SOBP: variants seen among roughly 807,000 people sequenced by gnomAD.
SOBP encodes the protein sine oculis binding protein homolog.
Under a neutral mutation model 53.6 loss-of-function variants are expected in SOBP, and 4 were observed. The observed-to-expected ratio is 0.07, with a 90% confidence interval of 0.04 to 0.17. The LOEUF is 0.17. SOBP is among the 10% of genes least tolerant of loss of function. SOBP has a pLI of 1.00. For missense variants in SOBP, 1,088 were observed against 1,204.7 expected (o/e 0.90, Z 1.43); for synonymous variants, 584 against 522.6 (o/e 1.12, Z -1.60).
intron 6 of SOBP, among the ~76,000 whole-genome samples, chr6:107,648,395 A>G (rs1771649359): frequency 7.0e-6 from 1 of 142,172 alleles, no homozygotes; most frequent in East Asian, 2.0e-4. Flanking sequence ...CCACTTTAAC[A>G]GGGACACAGT....
At chr6:107,638,195 T>TTTTA (rs138272779) in intron 6 of SOBP, among the ~76,000 whole-genome samples, 96,080 of 150,904 alleles carry the variant, frequency 0.64, 33,980 homozygotes, top group Non-Finnish European at 0.81. Context: ...TCCTGGTTTG[T>TTTTA]TTTATTTATT....
chr6:107,532,267 ACACAC>A (rs1783850735), intron 3 of SOBP, among the ~76,000 whole-genome samples: 4 of 148,636 alleles, frequency 2.7e-5, no homozygotes, highest in African/African-American at 7.6e-5. Flanking sequence ...ACACACACAC[ACACAC>A]CACACACACA....
chr6:107,518,014 G>A (rs1458023711), intron 3 of SOBP, among the ~76,000 whole-genome samples: 1 of 152,060 alleles, frequency 6.6e-6, no homozygotes, highest in Non-Finnish European at 1.5e-5. Flanking sequence ...CATATCCCAT[G>A]AATTTATACA....
chr6:107,514,837 G>A (rs1040874662), intron 3 of SOBP: 2 of 152,156 alleles, frequency 1.3e-5, no homozygotes, highest in South Asian at 2.1e-4. Flanking sequence ...ATGTTTTAAT[G>A]TGCTTTAACA....
intron 1 of SOBP, among the ~76,000 whole-genome samples, chr6:107,492,664 C>A (rs1782608633): frequency 6.6e-6 from 1 of 152,094 alleles, no homozygotes; most frequent in Non-Finnish European, 1.5e-5. Context: ...CAATTTTTAG[C>A]CGATGCTGCA....
At chr6:107,608,417 G>A (rs1311317059) in intron 5 of SOBP, among the ~76,000 whole-genome samples, 2 of 152,148 alleles carry the variant, frequency 1.3e-5, no homozygotes, top group African/African-American at 4.8e-5. Context: ...TTTCTGAGAT[G>A]ATGTCTTTTA....
At chr6:107,537,297 T>C (rs1350879240) in intron 4 of SOBP, among the ~76,000 whole-genome samples, 2 of 152,224 alleles carry the variant, frequency 1.3e-5, no homozygotes, top group Non-Finnish European at 2.9e-5. Flanking sequence ...TTGATCTCTT[T>C]CCTTTTACAT....
intron 5 of SOBP, among the ~76,000 whole-genome samples, chr6:107,626,870 G>A (rs1214844779): frequency 6.6e-6 from 1 of 152,160 alleles, no homozygotes; most frequent in Non-Finnish European, 1.5e-5. Flanking sequence ...GAGCACTGAG[G>A]CTCAGAGGGA....
Position 107,634,073 on chromosome 6 carries a change from C to T in SOBP, c.1229C>T (p.Pro410Leu). 1 of 1,600,838 alleles carries T rather than the reference C, an allele frequency of 6.2e-7. No homozygotes were observed. The highest frequency in any genetic ancestry group is 8.5e-7 in the Non-Finnish European group (1 of 1,172,730). Residue 410 changes from proline (P) to leucine (L), a missense_variant, in exon 6 of 7, where the codon CCC (proline) becomes CTC (leucine). Coordinates refer to ENST00000317357, the MANE Select transcript of SOBP (RefSeq NM_018013.4). The surrounding 1 kb of genome is among the most constrained non-coding windows in gnomAD (Gnocchi z 4.5). Reference sequence around the variant, plus strand: ...CAGATCATGCAGCAGATCCGCCCGCCCTTCATCCGCGGGCCTCCGCACCAT... The same window carrying T: ...CAGATCATGCAGCAGATCCGCCCGCTCTTCATCCGCGGGCCTCCGCACCAT... ...EQQIMQQIRPPFIRGPPHHAS... is the reference protein window; with the variant it reads ...EQQIMQQIRPLFIRGPPHHAS...
At chr6:107,565,475 G>A (rs1267527338) in intron 4 of SOBP, among the ~76,000 whole-genome samples, 2 of 151,700 alleles carry the variant, frequency 1.3e-5, no homozygotes, top group Admixed American at 1.3e-4. Context: ...TTGCATGATA[G>A]GTGGATGGAG....
chr6:107,541,373 C>G (rs540807072), intron 4 of SOBP, among the ~76,000 whole-genome samples: 5 of 152,122 alleles, frequency 3.3e-5, no homozygotes, highest in African/African-American at 1.2e-4. Context: ...CACCTTTGAT[C>G]GTAGAAAAAC....
intron 6 of SOBP, among the ~76,000 whole-genome samples, chr6:107,639,762 A>G (rs1234840526): frequency 6.6e-6 from 1 of 152,178 alleles, no homozygotes; most frequent in Non-Finnish European, 1.5e-5. Context: ...CCATTTGCAA[A>G]TGTTTGAAGA....
At chr6:107,652,904 G>GT (rs1771867597) in intron 6 of SOBP, among the ~76,000 whole-genome samples, 1 of 151,374 alleles carries the variant, frequency 6.6e-6, no homozygotes, top group Non-Finnish European at 1.5e-5. Flanking sequence ...AATGTAAATT[G>GT]TTTTTTAGAC....
chr6:107,566,539 C>G (rs972300996), intron 4 of SOBP, among the ~76,000 whole-genome samples: 43 of 152,234 alleles, frequency 2.8e-4, no homozygotes, highest in African/African-American at 9.6e-4. Flanking sequence ...ACCAAGGCAG[C>G]TTTGGGCTTG....
chr6:107,502,942 G>A (rs2114943948), intron 1 of SOBP, among the ~76,000 whole-genome samples: 1 of 151,982 alleles, frequency 6.6e-6, no homozygotes, highest in African/African-American at 2.4e-5. Context: ...TGTATATTTG[G>A]TAGACAAGGG....
intron 4 of SOBP, among the ~76,000 whole-genome samples, chr6:107,548,464 C>G (rs12197469): frequency 0.52 from 78,947 of 151,758 alleles, 23,261 homozygotes; most frequent in African/African-American, 0.78. Flanking sequence ...GGATGGTCTC[C>G]ATCTCCTGAC....
At chr6:107,567,379 G>A (rs933999837) in intron 4 of SOBP, among the ~76,000 whole-genome samples, 1 of 152,174 alleles carries the variant, frequency 6.6e-6, no homozygotes, top group African/African-American at 2.4e-5. Flanking sequence ...TAGCCTATGA[G>A]GATGGCTCTA....
chr6:107,496,725 C>A (rs1277459921), intron 1 of SOBP, among the ~76,000 whole-genome samples: 1 of 152,144 alleles, frequency 6.6e-6, no homozygotes, highest in Non-Finnish European at 1.5e-5. Flanking sequence ...TCTGGCCACC[C>A]TTACTATTTC....
intron 4 of SOBP, among the ~76,000 whole-genome samples, chr6:107,575,591 C>A (rs1047189697): frequency 6.6e-5 from 10 of 152,120 alleles, no homozygotes; most frequent in African/African-American, 2.4e-4. Flanking sequence ...TGGGGCTGCT[C>A]ACTGTGCAAG....
Sources: allele counts gnomAD v4.1 joint callset (sites outside exome capture counted in the v4.1 genomes callset), GRCh38; gene constraint gnomAD v4.1.1; non-coding constraint Gnocchi (gnomAD v3.1); transcripts MANE v1.5; gene names NCBI Gene and HGNC (gene_info 2026-07-23, HGNC 2026-07-21).